Variants in QPRT observed in about 807,000 individuals in gnomAD.
QPRT encodes nicotinate-nucleotide pyrophosphorylase [carboxylating].
Under a neutral mutation model 19.8 loss-of-function variants are expected in QPRT, and 17 were observed. That is an observed-to-expected ratio of 0.86 (90% CI 0.59 to 1.29). QPRT has a LOEUF of 1.29. Ranked by LOEUF, QPRT falls within the 50% of genes most tolerant of loss-of-function variation. QPRT has a pLI of 0.00. For missense variants in QPRT, 336 were observed against 405.1 expected (o/e 0.83, Z 1.46); for synonymous variants, 178 against 191.0 (o/e 0.93, Z 0.56).
intron 1 of QPRT, among the ~76,000 whole-genome samples, chr16:29,687,869 C>G (rs1967208268): frequency 6.6e-6 from 1 of 151,682 alleles, no homozygotes; most frequent in Non-Finnish European, 1.5e-5. Context: ...GGTGGAGCAG[C>G]TACTCAGGAG....
At chr16:29,686,237 G>C (rs1279150754) in intron 1 of QPRT, among the ~76,000 whole-genome samples, 1 of 152,026 alleles carries the variant, frequency 6.6e-6, no homozygotes, top group Non-Finnish European at 1.5e-5. Context: ...TTCTCCCTGT[G>C]GCCTCTCCTC....
intron 1 of QPRT, among the ~76,000 whole-genome samples, chr16:29,681,792 G>A (rs1596784779): frequency 6.7e-6 from 1 of 150,098 alleles, no homozygotes; most frequent in South Asian, 2.1e-4. Flanking sequence ...GCAGGATCTC[G>A]GCTCACTGCA....
At chr16:29,691,877 T>G (rs952937471) in intron 1 of QPRT, among the ~76,000 whole-genome samples, 2 of 148,538 alleles carry the variant, frequency 1.3e-5, no homozygotes, top group African/African-American at 5.0e-5. Flanking sequence ...GGAGGGGAGG[T>G]GGGGTGAGTG....
chr16:29,692,737 C>G (rs531300282), intron 1 of QPRT, among the ~76,000 whole-genome samples: 1 of 152,104 alleles, frequency 6.6e-6, no homozygotes, highest in African/African-American at 2.4e-5. Context: ...GGCGACAGAG[C>G]GAGACTCCGT....
intron 1 of QPRT, among the ~76,000 whole-genome samples, chr16:29,692,276 TTTA>T (rs1390895106): frequency 1.5e-4 from 22 of 148,172 alleles, no homozygotes; most frequent in African/African-American, 5.4e-4. Context: ...TATTTATTTA[TTTA>T]TTTTTTAAGT....
At chr16:29,679,942 C>T (rs1221197270) in intron 1 of QPRT, among the ~76,000 whole-genome samples, 1 of 151,050 alleles carries the variant, frequency 6.6e-6, no homozygotes, top group Non-Finnish European at 1.5e-5. Context: ...AAGCATATGT[C>T]TAACTACTAA....
At chr16:29,679,125 C>A (rs1966913476), upstream of QPRT, 2 of 1,613,210 alleles carry the variant, frequency 1.2e-6, no homozygotes, top group Admixed American at 1.7e-5. Context: ...CACAGTCCCA[C>A]CCCCAGCCTG....
chr16:29,694,686 C>T lies in QPRT; in HGVS notation c.36C>T (p.Pro12=), dbSNP rs756741407. 6 of 1,549,068 alleles carry T rather than the reference C, an allele frequency of 3.9e-6. No individual in the cohort carries two copies. The highest frequency in any genetic ancestry group is 5.2e-6 in the Non-Finnish European group (6 of 1,146,968). The change falls in exon 2 of 4, where the codon CCC becomes CCT. Residue 12 remains proline, a synonymous_variant. Coordinates refer to ENST00000395384, the MANE Select transcript of QPRT (RefSeq NM_014298.6). ...DAEGLALLLP[P]VTLAALVDSW... Reference sequence around the variant, plus strand: ...CAGGCCTGGCGCTGCTGCTGCCGCCCGTCACCCTGGCAGCCCTGGTGGACA... The same window carrying T: ...CAGGCCTGGCGCTGCTGCTGCCGCCTGTCACCCTGGCAGCCCTGGTGGACA...
At position 29,697,355 on chromosome 16, in the gene QPRT, GA is replaced by G. The variant is rs1567334109; in HGVS notation, c.839del (p.Asp280ValfsTer44). The G allele has an allele frequency of 3.1e-6, 5 of 1,613,966 alleles. No homozygotes were observed. The highest frequency in any genetic ancestry group is 1.7e-5 in the Admixed American group (1 of 60,002). On this transcript the variant is annotated frameshift_variant, in exon 4 of 4. Transcript: ENST00000395384. LOFTEE classifies it high-confidence loss of function. The surrounding 1 kb of genome is among the most constrained non-coding windows in gnomAD (Gnocchi z 4.4). Reference protein sequence around the residue: ...GMLTQAAPALDFSLKLFAKEV... With the variant: ...GMLTQAAPALXFSLKLFAKEV... ...GCTGACCCAGGCGGCCCCAGCCCTT[GA>G]TTTCTCCCTCAAGCTGTTTGCCAAA...
chr16:29,689,806 C>A (rs939566832), intron 1 of QPRT, among the ~76,000 whole-genome samples: 3 of 152,156 alleles, frequency 2.0e-5, no homozygotes, highest in Non-Finnish European at 4.4e-5. Context: ...GTGCTCGCAG[C>A]CCCTGTCACG....
intron 1 of QPRT, among the ~76,000 whole-genome samples, chr16:29,693,104 C>T (rs1380135956): frequency 6.6e-6 from 1 of 151,630 alleles, no homozygotes; most frequent in Admixed American, 6.6e-5. Context: ...ATGGGGTGTC[C>T]ATCCCCTCAA....
At chr16:29,688,821 G>A (rs1468604549) in intron 1 of QPRT, among the ~76,000 whole-genome samples, 1 of 146,492 alleles carries the variant, frequency 6.8e-6, no homozygotes, top group Non-Finnish European at 1.5e-5. Flanking sequence ...GCTCTTGTTG[G>A]CCAGGCTGGA....
intron 1 of QPRT, 109 bp from the exon 2 acceptor site, chr16:29,694,555 G>C: frequency 8.5e-7 from 1 of 1,183,318 alleles, no homozygotes; most frequent in Admixed American, 2.8e-5. Context: ...CCTAGATCTT[G>C]AGGCTGATGG....
At chr16:29,682,925 A>G (rs1256385793) in intron 1 of QPRT, among the ~76,000 whole-genome samples, 1 of 151,992 alleles carries the variant, frequency 6.6e-6, no homozygotes, top group African/African-American at 2.4e-5. Flanking sequence ...TGATTAAAAA[A>G]TGTTTAATTT....
chr16:29,680,682 T>C (rs60771064), intron 1 of QPRT, among the ~76,000 whole-genome samples: 2,953 of 152,220 alleles, frequency 0.019, 115 homozygotes, highest in African/African-American at 0.068. Flanking sequence ...GGCTCACGCC[T>C]GTAATCCCAG....
At chr16:29,691,210 C>T (rs1421404183) in intron 1 of QPRT, among the ~76,000 whole-genome samples, 1 of 150,634 alleles carries the variant, frequency 6.6e-6, no homozygotes, top group Non-Finnish European at 1.5e-5. Flanking sequence ...ACTAAAAATA[C>T]AAAAATTAGC....
chr16:29,679,699 G>A (rs939741391), intron 1 of QPRT, among the ~76,000 whole-genome samples: 21 of 152,170 alleles, frequency 1.4e-4, no homozygotes, highest in Non-Finnish European at 1.2e-4. Flanking sequence ...CCCCAACCAT[G>A]AAGTCCGGTG....
At position 29,697,318 on chromosome 16, in the gene QPRT, C is replaced by T. The variant is rs1169350921; in HGVS notation, c.801C>T (p.Ile267=). 1.2e-6 allele frequency: 2 copies of T among 1,614,084 alleles called. No individual in the cohort carries two copies. Among genetic ancestry groups the T allele is most frequent in the African/African-American group, 1.3e-5 (1 of 74,948 alleles). The change falls in exon 4 of 4, where the codon ATC becomes ATT. Residue 267 remains isoleucine, a synonymous_variant. Transcript: ENST00000395384. This position sits in a 1 kb window ranked among gnomAD's most constrained non-coding sequence, Gnocchi z 4.4. ...TCTGCGGGCCGCACATAGACGTCAT[C>T]TCCATGGGGATGCTGACCCAGGCGG... is the stretch of plus-strand genomic sequence containing the variant. The part of the protein sequence containing the change: ...PQFCGPHIDV[I]SMGMLTQAAP...
In QPRT at chr16:29,697,328, A is replaced by T. The variant is rs1023836094; in HGVS notation, c.811A>T (p.Met271Leu). 3 of 1,614,094 alleles carry T rather than the reference A, an allele frequency of 1.9e-6. No homozygotes were observed. The highest frequency in any genetic ancestry group is 2.5e-6 in the Non-Finnish European group (3 of 1,179,980). ...GCACATAGACGTCATCTCCATGGGG[A>T]TGCTGACCCAGGCGGCCCCAGCCCT... Reference protein sequence around the residue: ...GPHIDVISMGMLTQAAPALDF... With the variant: ...GPHIDVISMGLLTQAAPALDF... The change falls in exon 4 of 4, where the codon ATG becomes TTG. Residue 271 changes from methionine (M) to leucine (L), a missense_variant. Met to Leu is a conservative substitution (Grantham distance 15). Coordinates refer to ENST00000395384, the MANE Select transcript of QPRT (RefSeq NM_014298.6). The surrounding 1 kb of genome is among the most constrained non-coding windows in gnomAD (Gnocchi z 4.4).
Sources: allele counts gnomAD v4.1 joint callset (sites outside exome capture counted in the v4.1 genomes callset), GRCh38; gene constraint gnomAD v4.1.1; non-coding constraint Gnocchi (gnomAD v3.1); transcripts MANE v1.5; gene names NCBI Gene and HGNC (gene_info 2026-07-23, HGNC 2026-07-21).